Variants in PADI4 observed in about 807,000 individuals in gnomAD.
The protein encoded by PADI4 is peptidyl arginine deiminase 4.
A neutral mutation model predicts 75.0 loss-of-function variants in PADI4; 62 were observed. That is an observed-to-expected ratio of 0.83 (90% CI 0.67 to 1.02). The LOEUF (loss-of-function observed/expected upper bound fraction) is 1.02, where lower values mean the gene tolerates loss of function less well. Among genes scored for constraint, PADI4 ranks in the 50% least tolerant of loss-of-function variants. PADI4 has a pLI of 0.00. For synonymous variants in PADI4, 361 were observed against 348.1 expected, an observed-to-expected ratio of 1.04 and a Z score of -0.41; for missense variants, 845 against 850.5, an observed-to-expected ratio of 0.99 and a Z score of 0.08.
intron 15 of PADI4, among the ~76,000 whole-genome samples, chr1:17,360,401 C>T (rs1030159366): frequency 6.6e-6 from 1 of 152,052 alleles, no homozygotes; most frequent in African/African-American, 2.4e-5. Flanking sequence ...TGCTTATGTC[C>T]CTATCTGGTT....
chr1:17,312,199 C>T (rs545322956), intron 1 of PADI4, among the ~76,000 whole-genome samples: 48 of 152,184 alleles, frequency 3.2e-4, no homozygotes, highest in Non-Finnish European at 4.4e-4. Flanking sequence ...GTGGCTCACG[C>T]CTGTAATCCC....
At chr1:17,345,355 A>T (rs1419872321) in intron 8 of PADI4, among the ~76,000 whole-genome samples, 1 of 152,128 alleles carries the variant, frequency 6.6e-6, no homozygotes, top group African/African-American at 2.4e-5. Flanking sequence ...GAGATTTTGG[A>T]TTGTGAACTT....
At chr1:17,318,165 T>C (rs998612988) in intron 1 of PADI4, among the ~76,000 whole-genome samples, 3 of 152,174 alleles carry the variant, frequency 2.0e-5, no homozygotes, top group Non-Finnish European at 4.4e-5. Context: ...TTGGGAAGCA[T>C]TGGTCTTTAG....
chr1:17,356,940 A>G lies in PADI4; in HGVS notation c.1558+481A>G, dbSNP rs2100249481. On this transcript the variant is annotated intron_variant, in intron 13 of 15. Coordinates refer to ENST00000375448, the MANE Select transcript of PADI4 (RefSeq NM_012387.3). The surrounding 1 kb of genome is among the most constrained non-coding windows in gnomAD (Gnocchi z 4.1). ...AAATATTACTCTCTCAGCAGAGCTC[A>G]CAGACATGGGCCAGGCCCCGGGCTG... Among the ~76,000 whole-genome samples the G allele has an allele frequency of 6.6e-6, 1 of 152,294 alleles. No individual in the cohort carries two copies. The highest frequency in any genetic ancestry group is 1.5e-5 in the Non-Finnish European group (1 of 68,016).
intron 7 of PADI4, 30 bp downstream of exon 7, chr1:17,342,151 G>T (rs539398063): frequency 6.2e-7 from 1 of 1,605,224 alleles, no homozygotes; most frequent in African/African-American, 1.3e-5. Flanking sequence ...CTGCATCGGG[G>T]GCCTGGGCTT....
intron 10 of PADI4, among the ~76,000 whole-genome samples, chr1:17,352,216 G>C (rs1557577616): frequency 9.3e-6 from 1 of 106,986 alleles, no homozygotes; most frequent in Non-Finnish European, 2.1e-5. Context: ...TGGTAAGAGG[G>C]GTGGTCAGGG....
chr1:17,346,192 CTT>C lies in PADI4; in HGVS notation c.1047+54_1047+55del, dbSNP rs2074513235. On this transcript the variant is annotated intron_variant, in intron 9 of 15. Transcript: ENST00000375448. The surrounding 1 kb of genome is among the most constrained non-coding windows in gnomAD (Gnocchi z 4.3). The stretch of plus-strand genomic sequence containing the variant: ...GACTGTCCCTGAGGGCCAAGAGACA[CTT>C]GGGGGACCCGGGCTCCTGGGGTTCA... 3.3e-5 allele frequency: 40 copies of C among 1,204,172 alleles called. No individual in the cohort carries two copies. The highest frequency in any genetic ancestry group is 4.8e-5 in the Non-Finnish European group (39 of 815,326). 74.6% of individuals were successfully genotyped at this position (1,204,172 alleles called of 1,614,324 possible).
At chr1:17,311,814 C>T (rs1004758491) in intron 1 of PADI4, among the ~76,000 whole-genome samples, 5 of 152,094 alleles carry the variant, frequency 3.3e-5, no homozygotes, top group Admixed American at 6.6e-5. Context: ...CTTGAGCCAC[C>T]GCGCCCAGCC....
Position 17,363,675 on chromosome 1 carries a change from A to C in PADI4, c.1912A>C (p.Ile638Leu), listed in dbSNP as rs753968354. The C allele has an allele frequency of 1.4e-5, 22 of 1,613,966 alleles. No individual in the cohort carries two copies. Among genetic ancestry groups the C allele is most frequent in the Admixed American group, 1.3e-4 (8 of 60,022 alleles). Reference protein sequence around the residue: ...TFINDFFTYHIRHGEVHCGTN... With the variant: ...TFINDFFTYHLRHGEVHCGTN... Reference sequence around the variant, plus strand: ...CATCAACGACTTCTTCACCTACCACATCAGGCATGGGGAGGTGCACTGCGG... The same window carrying C: ...CATCAACGACTTCTTCACCTACCACCTCAGGCATGGGGAGGTGCACTGCGG... The change falls in exon 16 of 16, where the codon ATC (isoleucine) becomes CTC (leucine). Residue 638 changes from isoleucine (I) to leucine (L), a missense_variant. By Grantham distance (5) the Ile-to-Leu change is conservative (BLOSUM62 2). Coordinates refer to ENST00000375448, the MANE Select transcript of PADI4 (RefSeq NM_012387.3).
Position 17,346,865 on chromosome 1 carries a change from C to G in PADI4, c.1047+726C>G, listed in dbSNP as rs532507831. On this transcript the variant is annotated intron_variant, in intron 9 of 15. Coordinates refer to ENST00000375448, the MANE Select transcript of PADI4 (RefSeq NM_012387.3). The surrounding 1 kb of genome is among the most constrained non-coding windows in gnomAD (Gnocchi z 4.3). ...CAAATGCTCCTCGTCCATAAATTTC[C>G]CCCATCACCCCCAGCAGGAATTCAT... Among the ~76,000 whole-genome samples, 1 of 152,260 alleles carries G rather than the reference C, an allele frequency of 6.6e-6. No individual in the cohort carries two copies. Among genetic ancestry groups the G allele is most frequent in the African/African-American group, 2.4e-5 (1 of 41,564 alleles).
intron 10 of PADI4, among the ~76,000 whole-genome samples, chr1:17,351,278 G>T (rs1389054583): frequency 6.6e-6 from 1 of 151,200 alleles, no homozygotes; most frequent in Non-Finnish European, 1.5e-5. Flanking sequence ...TGCCAGCGTG[G>T]TAGGGAAGGT....
intron 1 of PADI4, among the ~76,000 whole-genome samples, chr1:17,312,516 A>G (rs1373451742): frequency 6.6e-6 from 1 of 151,532 alleles, no homozygotes; most frequent in African/African-American, 2.4e-5. Context: ...GAAAAAAAAG[A>G]TGGGTAGATA....
intron 1 of PADI4, among the ~76,000 whole-genome samples, chr1:17,319,556 G>C (rs2073999059): frequency 6.6e-6 from 1 of 152,128 alleles, no homozygotes; most frequent in Non-Finnish European, 1.5e-5. Context: ...CAAAGACAGA[G>C]GGTGTATTAG....
chr1:17,324,155 G>T (rs4920593), intron 1 of PADI4, among the ~76,000 whole-genome samples: 101,984 of 126,608 alleles, frequency 0.81, 39,318 homozygotes, highest in South Asian at 0.87. Flanking sequence ...GGTTTTTTTT[G>T]TTTTTTTTTT....
Position 17,338,166 on chromosome 1 carries a change from T to C in PADI4, c.526+11T>C. On this transcript the variant is annotated intron_variant, in intron 5 of 15. Coordinates refer to ENST00000375448, the MANE Select transcript of PADI4 (RefSeq NM_012387.3). ...TGCTTGACAGCGAAGGTAAAGAGCA[T>C]TTGCTAGCTAACGGGAAGGGCTTTT... The C allele has an allele frequency of 6.4e-7, 1 of 1,560,606 alleles. No individual in the cohort carries two copies. The highest frequency in any genetic ancestry group is 8.8e-7 in the Non-Finnish European group (1 of 1,131,682).
At chr1:17,337,867 A>T (rs1007617400) in intron 4 of PADI4, among the ~76,000 whole-genome samples, 171 bp from the exon 5 acceptor site, 1 of 152,154 alleles carries the variant, frequency 6.6e-6, no homozygotes, top group Non-Finnish European at 1.5e-5. Context: ...GTGAGCCAAG[A>T]TCACGCCACT....
At chr1:17,354,803 TGAGG>T in intron 11 of PADI4, 116 bp downstream of exon 11, 2 of 985,358 alleles carry the variant, frequency 2.0e-6, no homozygotes, top group African/African-American at 1.6e-5. Flanking sequence ...CCAACAGACT[TGAGG>T]GAGTGTGAGA....
intron 4 of PADI4, among the ~76,000 whole-genome samples, chr1:17,336,923 G>C (rs115537632): frequency 6.6e-6 from 1 of 152,196 alleles, no homozygotes; most frequent in Non-Finnish European, 1.5e-5. Flanking sequence ...ACGCTCTCCC[G>C]CGAAGGGAGG....
chr1:17,324,407 A>G (rs181454149), intron 1 of PADI4, among the ~76,000 whole-genome samples: 3 of 152,028 alleles, frequency 2.0e-5, no homozygotes, highest in African/African-American at 7.2e-5. Context: ...TTATGTTGTG[A>G]ATATATTCTC....
Sources: gnomAD v4.1 joint callset for allele counts (sites outside exome capture counted in the v4.1 genomes callset) on GRCh38, gnomAD v4.1.1 for gene constraint, Gnocchi (gnomAD v3.1) non-coding constraint, MANE v1.5 for transcripts, NCBI Gene and HGNC (gene_info 2026-07-23, HGNC 2026-07-21) for gene names.